The following GREB1 variants were observed in gnomAD, a reference collection of about 807,000 sequenced individuals.
GREB1 encodes the protein protein GREB1.
Under a neutral mutation model 200.7 loss-of-function variants are expected in GREB1, and 106 were observed. The ratio of observed to expected loss-of-function variants is 0.53; its 90% CI spans 0.45 to 0.62. The LOEUF (loss-of-function observed/expected upper bound fraction) is 0.62, where lower values mean the gene tolerates loss of function less well. GREB1 is among the 20% of genes least tolerant of loss of function. GREB1 has a pLI of 0.00. For missense variants in GREB1, 2,243 were observed against 2,556.8 expected (o/e 0.88, Z 2.65); for synonymous variants, 1,132 against 1,092.4 (o/e 1.04, Z -0.72).
chr2:11,626,262 G>C (rs550084706), intron 24 of GREB1, among the ~76,000 whole-genome samples: 1 of 152,022 alleles, frequency 6.6e-6, no homozygotes, highest in African/African-American at 2.4e-5. Flanking sequence ...TGAAGGCTGA[G>C]TGTTAAAATC....
In GREB1 at chr2:11,595,260, A is replaced by C; in HGVS notation, c.1706A>C (p.Gln569Pro). 6.2e-7 allele frequency: 1 copy of C among 1,613,096 alleles called. No homozygotes were observed. The highest frequency in any genetic ancestry group is 8.5e-7 in the Non-Finnish European group (1 of 1,179,384). Reference protein sequence around the residue: ...DSCIAVTGKYQARILSESLLT... With the variant: ...DSCIAVTGKYPARILSESLLT... Reference sequence around the variant, plus strand: ...TCTGTTTGCTTTCCAGGAAAATACCAAGCCCGGATTCTTTCCGAGAGCCTT... The same window carrying C: ...TCTGTTTGCTTTCCAGGAAAATACCCAGCCCGGATTCTTTCCGAGAGCCTT... The change falls in exon 12 of 33, where the codon CAA becomes CCA. Residue 569 changes from glutamine to proline, a missense_variant. By Grantham distance (76) the Gln-to-Pro change is moderately conservative. Around this residue, in one of 3 missense-constraint regions of GREB1, gnomAD observed 1,178 missense variants for 1,387.4 expected, o/e 0.85. Transcript: ENST00000381486.
At chr2:11,617,768 G>A (rs1175483920) in intron 21 of GREB1, among the ~76,000 whole-genome samples, 1 of 152,192 alleles carries the variant, frequency 6.6e-6, no homozygotes, top group Non-Finnish European at 1.5e-5. Flanking sequence ...GAGCGGCTGA[G>A]AGTCCCTGCT....
At chr2:11,603,718 G>A (rs1432773779) in intron 17 of GREB1, among the ~76,000 whole-genome samples, 1 of 152,240 alleles carries the variant, frequency 6.6e-6, no homozygotes, top group African/African-American at 2.4e-5. Context: ...GCTGCATGAA[G>A]TAGCCCTCCA....
intron 10 of GREB1, 60 bp from the exon 11 acceptor site, chr2:11,592,716 C>T: frequency 8.8e-6 from 10 of 1,141,122 alleles, no homozygotes; most frequent in South Asian, 3.4e-5. Context: ...TCACTGCACC[C>T]GTGCGTCCCC....
chr2:11,568,473 G>A (rs2147974264), intron 4 of GREB1, among the ~76,000 whole-genome samples: 1 of 152,348 alleles, frequency 6.6e-6, no homozygotes, highest in East Asian at 1.9e-4. Context: ...ACTGTAACTA[G>A]TTCTCTAAAA....
chr2:11,640,216 TA>T lies in GREB1; in HGVS notation c.5687-74del, dbSNP rs1367527877. 1.4e-6 allele frequency: 2 copies of T among 1,440,108 alleles called. No homozygotes were observed. The highest frequency in any genetic ancestry group is 4.6e-5 in the East Asian group (2 of 43,516). The allele number at this position is 1,440,108 out of a possible 1,614,324, so 89.2% of individuals were successfully genotyped here. A position where few individuals can be genotyped will look rare whatever the true frequency, so the allele number is the denominator to read the frequency against. On this transcript the variant is annotated intron_variant, in intron 32 of 32. Transcript: ENST00000381486. This position sits in a 1 kb window ranked among gnomAD's most constrained non-coding sequence, Gnocchi z 4.6. ...CAGCGCCCTGTCTTGTCATTGCAAG[TA>T]GAATCCGGGCAGCCGCTTTCCTCTG...
intron 1 of GREB1, among the ~76,000 whole-genome samples, chr2:11,555,437 A>T (rs1437346771): frequency 6.6e-6 from 1 of 152,238 alleles, no homozygotes; most frequent in Non-Finnish European, 1.5e-5. Flanking sequence ...AAACAAAAAC[A>T]ATAAAAATGT....
chr2:11,551,097 C>G (rs1467831181), intron 1 of GREB1, among the ~76,000 whole-genome samples: 2 of 152,220 alleles, frequency 1.3e-5, no homozygotes, highest in African/African-American at 4.8e-5. Flanking sequence ...AGCTAGCTCA[C>G]TGTTGCCACT....
chr2:11,639,860 G>A (rs986134299), intron 32 of GREB1, among the ~76,000 whole-genome samples: 1 of 152,150 alleles, frequency 6.6e-6, no homozygotes, highest in Admixed American at 6.5e-5. Flanking sequence ...TTGAGAGGAA[G>A]GGGAATTCCT....
Position 11,638,724 on chromosome 2 carries a change from G to A in GREB1, c.5601G>A (p.Ser1867=), listed in dbSNP as rs374519660. Residue 1867 remains serine, a synonymous_variant, in exon 32 of 33, where the codon TCG becomes TCA. Coordinates refer to ENST00000381486, the MANE Select transcript of GREB1 (RefSeq NM_014668.4). The part of the protein sequence containing the change: ...SRPHSLNISC[S]DLLFSGLLLY... ...CCCACTCTTTAAACATCAGCTGCTC[G>A]GACTTGCTGTTCAGTGGGCTGCTGC... The A allele has an allele frequency of 1.1e-4, 173 of 1,614,030 alleles. No homozygotes were observed. The highest frequency in any genetic ancestry group is 6.6e-4 in the Middle Eastern group (4 of 6,062).
intron 23 of GREB1, among the ~76,000 whole-genome samples, chr2:11,623,217 G>A (rs1023648947): frequency 6.6e-6 from 1 of 152,206 alleles, no homozygotes; most frequent in Non-Finnish European, 1.5e-5. Context: ...TCAAGTGTTT[G>A]TAGCGATTCG....
chr2:11,575,103 C>T (rs575971767), intron 4 of GREB1, among the ~76,000 whole-genome samples: 12 of 152,330 alleles, frequency 7.9e-5, no homozygotes, highest in Non-Finnish European at 1.3e-4. Context: ...TAGCCAGAGA[C>T]CTTAGGGAAA....
At chr2:11,619,281 G>A (rs895704742) in intron 22 of GREB1, among the ~76,000 whole-genome samples, 23 of 152,306 alleles carry the variant, frequency 1.5e-4, no homozygotes, top group East Asian at 3.9e-4. Context: ...AACCATGAAC[G>A]GAGAACTAGG....
At chr2:11,609,878 A>G (rs1170546308) in intron 17 of GREB1, among the ~76,000 whole-genome samples, 1 of 152,212 alleles carries the variant, frequency 6.6e-6, no homozygotes, top group Admixed American at 6.5e-5. Context: ...TTGCTACAAA[A>G]AGCCAGAGTC....
At chr2:11,620,042 T>C (rs560620069) in intron 22 of GREB1, among the ~76,000 whole-genome samples, 4 of 152,198 alleles carry the variant, frequency 2.6e-5, no homozygotes, top group Admixed American at 6.5e-5. Flanking sequence ...AGTGGCACGA[T>C]CTCAGCTCAC....
rs1489054643 is a variant in GREB1 at position 11,579,795 on chromosome 2, C to A, written c.773-909C>A. On this transcript the variant is annotated intron_variant, in intron 6 of 32. Transcript: ENST00000381486. ...CCGTCAGCCCCAGGAGACCAGAAGCCATGATTGTCCCCAGAATTACCCTTA... is the reference window on the plus strand; with the variant it reads ...CCGTCAGCCCCAGGAGACCAGAAGCAATGATTGTCCCCAGAATTACCCTTA... Among the ~76,000 whole-genome samples, 3 of 152,190 alleles carry A rather than the reference C, an allele frequency of 2.0e-5. No homozygotes were observed. In the East Asian group the frequency reaches 5.8e-4, roughly 29 times the overall value.
chr2:11,498,117 A>G (rs1672937499), intron 1 of GREB1, among the ~76,000 whole-genome samples: 1 of 150,630 alleles, frequency 6.6e-6, no homozygotes, highest in African/African-American at 2.4e-5. Flanking sequence ...AATTTTTATG[A>G]AGTCCAATGT....
intron 4 of GREB1, among the ~76,000 whole-genome samples, chr2:11,569,883 C>T (rs893599153): frequency 2.6e-5 from 4 of 151,924 alleles, no homozygotes; most frequent in African/African-American, 7.3e-5. Context: ...GAGAGCGTGG[C>T]GGGGTGGGGT....
At position 11,606,871 on chromosome 2, in the gene GREB1, C is replaced by T. The variant is rs183601676; in HGVS notation, c.2667-3817C>T. 9.4e-3 allele frequency among the ~76,000 whole-genome samples: 1,430 copies of T among 151,800 alleles called. 15 individuals carry two copies. Among genetic ancestry groups the T allele is most frequent in the African/African-American group, 0.033 (1,346 of 41,316 alleles). Reference sequence around the variant, plus strand: ...GATCTTGGCTCACTGAAACCTCTGCCTCCCGGGTTCAAGTGATTCTCCTGC... The same window carrying T: ...GATCTTGGCTCACTGAAACCTCTGCTTCCCGGGTTCAAGTGATTCTCCTGC... On this transcript the variant is annotated intron_variant, in intron 17 of 32. Coordinates refer to ENST00000381486, the MANE Select transcript of GREB1 (RefSeq NM_014668.4).
Sources: allele counts gnomAD v4.1 joint callset (sites outside exome capture counted in the v4.1 genomes callset), GRCh38; gene constraint gnomAD v4.1.1; regional missense constraint gnomAD v4.1.1; non-coding constraint Gnocchi (gnomAD v3.1); transcripts MANE v1.5; gene names NCBI Gene and HGNC (gene_info 2026-07-23, HGNC 2026-07-21).